The following HTR3D variants were observed in gnomAD, a reference collection of about 807,000 sequenced individuals.
HTR3D encodes the protein 5-hydroxytryptamine receptor 3D.
In HTR3D, 47 loss-of-function variants were observed where a neutral mutation model predicts 45.8. That is an observed-to-expected ratio of 1.03 (90% CI 0.81 to 1.31). The LOEUF is 1.31. Ranked by LOEUF, HTR3D falls within the 50% of genes most tolerant of loss-of-function variation. The pLI is 0.00. For missense variants in HTR3D, 448 were observed against 506.9 expected (o/e 0.88, Z 1.12); for synonymous variants, 203 against 199.8 (o/e 1.02, Z -0.13).
Position 184,038,711 on chromosome 3 carries a change from T to C in HTR3D, c.986-35T>C. On this transcript the variant is annotated intron_variant, in intron 7 of 7. Transcript: ENST00000428798. This position sits in a 1 kb window ranked among gnomAD's most constrained non-coding sequence, Gnocchi z 4.5. ...GTCTCCCTCCCTCCACAGGTGACATTTGCAGCCCATGGCTGAGTCTCTGTC... is the reference window on the plus strand; with the variant it reads ...GTCTCCCTCCCTCCACAGGTGACATCTGCAGCCCATGGCTGAGTCTCTGTC... The C allele has an allele frequency of 6.4e-7, 1 of 1,559,926 alleles. No individual in the cohort carries two copies. Among genetic ancestry groups the C allele is most frequent in the Non-Finnish European group, 8.7e-7 (1 of 1,151,032 alleles).
At chr3:184,037,976 C>T (rs1164449982) in intron 5 of HTR3D, 45 bp from the exon 6 acceptor site, 1 of 1,599,422 alleles carries the variant, frequency 6.3e-7, no homozygotes, top group South Asian at 1.1e-5. Flanking sequence ...TCTTGACAGC[C>T]TCCCAGCCTA....
In HTR3D at chr3:184,038,575, G is replaced by A. The variant is rs368199300; in HGVS notation, c.936G>A (p.Ala312=). 1.0e-4 allele frequency: 161 copies of A among 1,613,818 alleles called. 1 individual carries two copies. Among genetic ancestry groups the A allele is most frequent in the Non-Finnish European group, 1.3e-4 (150 of 1,180,018 alleles). Residue 312 remains alanine, a synonymous_variant, in exon 7 of 8, where the codon GCG becomes GCA. Transcript: ENST00000428798. The surrounding 1 kb of genome is among the most constrained non-coding windows in gnomAD (Gnocchi z 4.5). ...GCCAAGGGAGATGCTGTCCCACTGC[G>A]CCCCAGAAGGGAAATAAGGGCCCGG... ...CTGQGRCCPT[A]PQKGNKGPGL... is the part of the protein sequence containing the mutation.
At chr3:184,031,998 T>C (rs969880425) in intron 1 of HTR3D, among the ~76,000 whole-genome samples, 191 bp downstream of exon 1, 2 of 148,654 alleles carry the variant, frequency 1.3e-5, no homozygotes, top group South Asian at 2.1e-4. Flanking sequence ...TTCTCTTCTT[T>C]TTTTTTTTTT....
chr3:184,037,130 C>T (rs1306597150), intron 5 of HTR3D, among the ~76,000 whole-genome samples: 1 of 151,892 alleles, frequency 6.6e-6, no homozygotes, highest in African/African-American at 2.4e-5. Flanking sequence ...ACTTCCACCT[C>T]CTGGGTTCAA....
intron 1 of HTR3D, among the ~76,000 whole-genome samples, chr3:184,032,029 C>G (rs1722765144): frequency 7.3e-6 from 1 of 137,912 alleles, no homozygotes; most frequent in East Asian, 2.1e-4. Context: ...GAGTCTCGCT[C>G]TGTTACCCAG....
chr3:184,036,531 A>G lies in HTR3D; in HGVS notation c.354A>G (p.Ser118=). ...DRGERSPSAL[S]PTQVTRAWRR... Reference sequence around the variant, plus strand: ...GTGAACGCTCTCCTTCAGCCCTTTCACCTACACAGGTAAGTGGGGCTCACT... The same window carrying G: ...GTGAACGCTCTCCTTCAGCCCTTTCGCCTACACAGGTAAGTGGGGCTCACT... Residue 118 remains serine (S), a synonymous_variant, in exon 4 of 8, where the codon TCA becomes TCG. Transcript: ENST00000428798. 1 of 1,614,180 alleles carries G rather than the reference A, an allele frequency of 6.2e-7. No individual in the cohort carries two copies. The highest frequency in any genetic ancestry group is 8.5e-7 in the Non-Finnish European group (1 of 1,180,040).
rs985602672 is a variant in HTR3D at position 184,038,600 on chromosome 3, G to A, written c.961G>A (p.Gly321Ser). ...TAPQKGNKGP[G>S]LTPTHLPGVK... ...GCCCCAGAAGGGAAATAAGGGCCCGGGTCTCACCCCCACCCACCTGCCCGG... is the reference window on the plus strand; with the variant it reads ...GCCCCAGAAGGGAAATAAGGGCCCGAGTCTCACCCCCACCCACCTGCCCGG... The change falls in exon 7 of 8, where the codon GGT (glycine) becomes AGT (serine). Residue 321 changes from glycine (G) to serine (S), a missense_variant. By Grantham distance (56) the Gly-to-Ser change is moderately conservative. Coordinates refer to ENST00000428798, the MANE Select transcript of HTR3D (RefSeq NM_001145143.1). This position sits in a 1 kb window ranked among gnomAD's most constrained non-coding sequence, Gnocchi z 4.5. 1.9e-6 allele frequency: 3 copies of A among 1,613,818 alleles called. No homozygotes were observed. Among genetic ancestry groups the A allele is most frequent in the South Asian group, 2.2e-5 (2 of 91,054 alleles).
rs772993673 is a variant in HTR3D, at chr3:184,036,371, T to C, written c.198-4T>C. ...CTCCCTGTCCTTCTCCCACACAGCATCAGTGTGGATCAGACACCTGCAGGT... is the reference window on the plus strand; with the variant it reads ...CTCCCTGTCCTTCTCCCACACAGCACCAGTGTGGATCAGACACCTGCAGGT... On this transcript the variant is annotated splice_region_variant and splice_polypyrimidine_tract_variant and intron_variant, in intron 3 of 7. Transcript: ENST00000428798. 2 of 1,613,958 alleles carry C rather than the reference T, an allele frequency of 1.2e-6. No individual in the cohort carries two copies. Among genetic ancestry groups the C allele is most frequent in the South Asian group, 2.2e-5 (2 of 91,046 alleles).
intron 1 of HTR3D, among the ~76,000 whole-genome samples, chr3:184,034,583 A>T (rs1722831226): frequency 1.3e-5 from 2 of 152,134 alleles, no homozygotes; most frequent in African/African-American, 2.4e-5. Flanking sequence ...ATTTTATGTT[A>T]TATATTTTTA....
At chr3:184,031,927 A>T (rs1722759762) in intron 1 of HTR3D, 120 bp downstream of exon 1, 2 of 688,972 alleles carry the variant, frequency 2.9e-6, no homozygotes, top group African/African-American at 1.8e-5. Flanking sequence ...GGTAAAAATG[A>T]TGCTCGTGAC....
rs751966979 is a variant in HTR3D, at chr3:184,036,546, T to A, written c.367+2T>A. 1.9e-6 allele frequency: 3 copies of A among 1,614,036 alleles called. No individual in the cohort carries two copies. Among genetic ancestry groups the A allele is most frequent in the Non-Finnish European group, 2.5e-6 (3 of 1,180,004 alleles). ...CAGCCCTTTCACCTACACAGGTAAGTGGGGCTCACTAAAGTAGACTGTTGA... is the reference window on the plus strand; with the variant it reads ...CAGCCCTTTCACCTACACAGGTAAGAGGGGCTCACTAAAGTAGACTGTTGA... On this transcript the variant is annotated splice_donor_variant, in intron 4 of 7. Transcript: ENST00000428798. LOFTEE classifies it high-confidence loss of function.
rs1474529533 is a variant in HTR3D, at chr3:184,033,995, G to A, written c.67-1183G>A. 2.6e-5 allele frequency among the ~76,000 whole-genome samples: 4 copies of A among 152,314 alleles called. No individual in the cohort carries two copies. The East Asian group carries it at 5.8e-4, about 22-fold the overall frequency. ...ATAATGTGGAGAAATTGGAACCCTTGTGCACTGCTTGTGAGGATGTAAAAT... is the reference window on the plus strand; with the variant it reads ...ATAATGTGGAGAAATTGGAACCCTTATGCACTGCTTGTGAGGATGTAAAAT... On this transcript the variant is annotated intron_variant, in intron 1 of 7. Coordinates refer to ENST00000428798, the MANE Select transcript of HTR3D (RefSeq NM_001145143.1).
At position 184,036,069 on chromosome 3, in the gene HTR3D, C is replaced by T. The variant is rs947441701; in HGVS notation, c.166C>T (p.Leu56=). The change falls in exon 3 of 8, where the codon CTA becomes TTA. Residue 56 remains leucine, a synonymous_variant. Coordinates refer to ENST00000428798, the MANE Select transcript of HTR3D (RefSeq NM_001145143.1). ...IKKSGMATEN[L]WLSDVFIEES... The stretch of plus-strand genomic sequence containing the variant: ...GAAGTCCGGCATGGCAACTGAGAAC[C>T]TATGGCTTTCAGATGTCTTCATCGA... 1.3e-6 allele frequency: 2 copies of T among 1,551,588 alleles called. No homozygotes were observed. Among genetic ancestry groups the T allele is most frequent in the African/African-American group, 1.4e-5 (1 of 73,146 alleles).
In HTR3D at chr3:184,036,163, CGATAAGGCCACACAA is replaced by C; in HGVS notation, c.197+64_197+78del. 2.6e-6 allele frequency: 4 copies of C among 1,511,912 alleles called. No homozygotes were observed. The South Asian group carries it at 5.3e-5, about 20-fold the overall frequency. The allele number at this position is 1,511,912 out of a possible 1,614,324, so 93.7% of individuals were successfully genotyped here. On this transcript the variant is annotated intron_variant, in intron 3 of 7. Transcript: ENST00000428798. ...TCTACAGGGAAGGACACAATGTTACCGATAAGGCCACACAAAGACTCAACTTAGAAAAGAGCAGAG... is the reference window on the plus strand; with the variant it reads ...TCTACAGGGAAGGACACAATGTTACCAGACTCAACTTAGAAAAGAGCAGAG...
chr3:184,039,053 G>GT lies in HTR3D; in HGVS notation c.*78_*79insT. 18 of 863,200 alleles carry GT rather than the reference G, an allele frequency of 2.1e-5. No individual in the cohort carries two copies. Among genetic ancestry groups the GT allele is most frequent in the Admixed American group, 7.2e-5 (2 of 27,732 alleles). 53.5% of individuals were successfully genotyped at this position (863,200 alleles called of 1,614,324 possible). ...CAGAAACCAGTCAGGCTCTCAGTCA[G>GT]CCTTGTGGCCCTGTCAACCGCCTCA... On this transcript the variant is annotated 3_prime_UTR_variant, in exon 8 of 8. Coordinates refer to ENST00000428798, the MANE Select transcript of HTR3D (RefSeq NM_001145143.1).
In HTR3D at chr3:184,038,954, C is replaced by T. The variant is rs55674402; in HGVS notation, c.1194C>T (p.Val398=). The change falls in exon 8 of 8, where the codon GTC becomes GTT. Residue 398 remains valine (V), a synonymous_variant. Transcript: ENST00000428798. This position sits in a 1 kb window ranked among gnomAD's most constrained non-coding sequence, Gnocchi z 4.5. ...TCATGGCCTCCTCCATCATCACCGTCATATGCCTCTGGAACACCTAGGCAG... is the reference window on the plus strand; with the variant it reads ...TCATGGCCTCCTCCATCATCACCGTTATATGCCTCTGGAACACCTAGGCAG... The part of the protein sequence containing the change: ...LLFMASSIIT[V]ICLWNT 614,484 of 1,613,162 alleles carry T rather than the reference C, an allele frequency of 0.38. 119,474 individuals carry two copies. Among genetic ancestry groups the T allele is most frequent in the Middle Eastern group, 0.44 (2,664 of 6,062 alleles).
At chr3:184,033,470 G>A (rs2108959326) in intron 1 of HTR3D, among the ~76,000 whole-genome samples, 1 of 152,224 alleles carries the variant, frequency 6.6e-6, no homozygotes, top group Admixed American at 6.5e-5. Flanking sequence ...TCAAAAATGG[G>A]CAAAGGACTT....
intron 5 of HTR3D, 67 bp from the exon 6 acceptor site, chr3:184,037,954 T>TA (rs1722954680): frequency 6.4e-7 from 1 of 1,571,236 alleles, no homozygotes; most frequent in Admixed American, 1.7e-5. Context: ...TCCCAGTTCT[T>TA]ACTCTTACCT....
In HTR3D at chr3:184,038,559, G is replaced by A; in HGVS notation, c.920G>A (p.Arg307Lys). ...SLLLHCTGQG[R>K]CCPTAPQKGN... ...CTGCTGCACTGCACCGGCCAAGGGA[G>A]ATGCTGTCCCACTGCGCCCCAGAAG... Residue 307 changes from arginine to lysine, a missense_variant, in exon 7 of 8, where the codon AGA becomes AAA. Arg to Lys is a conservative substitution (Grantham distance 26). Transcript: ENST00000428798. This position sits in a 1 kb window ranked among gnomAD's most constrained non-coding sequence, Gnocchi z 4.5. 1.2e-6 allele frequency: 2 copies of A among 1,613,984 alleles called. No homozygotes were observed. The highest frequency in any genetic ancestry group is 1.7e-6 in the Non-Finnish European group (2 of 1,180,038).
Sources: allele counts gnomAD v4.1 joint callset (sites outside exome capture counted in the v4.1 genomes callset), GRCh38; gene constraint gnomAD v4.1.1; non-coding constraint Gnocchi (gnomAD v3.1); transcripts MANE v1.5; gene names NCBI Gene and HGNC (gene_info 2026-07-23, HGNC 2026-07-21).